Variants in CCDC7 observed in about 807,000 individuals in gnomAD.
CCDC7 encodes the protein coiled-coil domain-containing protein 7.
A neutral mutation model predicts 196.9 loss-of-function variants in CCDC7; 183 were observed. The ratio of observed to expected loss-of-function variants is 0.93; its 90% CI spans 0.82 to 1.05. The LOEUF is 1.05. CCDC7 is among the 50% of genes least tolerant of loss of function. The probability of loss-of-function intolerance (pLI) is 0.00; values close to 1 mark genes in which losing one functional copy is unlikely to be tolerated. For missense variants in CCDC7, 1,540 were observed against 1,482.2 expected, an observed-to-expected ratio of 1.04 and a Z score of -0.64; for synonymous variants, 525 against 484.6, an observed-to-expected ratio of 1.08 and a Z score of -1.10.
At chr10:32,603,235 T>G (rs1398058027) in intron 18 of CCDC7, among the ~76,000 whole-genome samples, 1 of 152,118 alleles carries the variant, frequency 6.6e-6, no homozygotes, top group East Asian at 1.9e-4. Flanking sequence ...CTTATTTCAC[T>G]TAACATAATG....
At chr10:32,757,438 A>T (rs943368827) in intron 28 of CCDC7, among the ~76,000 whole-genome samples, 23 of 152,250 alleles carry the variant, frequency 1.5e-4, no homozygotes, top group Middle Eastern at 6.3e-3. Context: ...AGAACTCAGG[A>T]TTAAGAAACT....
chr10:32,554,855 C>T (rs1332173281), intron 13 of CCDC7, among the ~76,000 whole-genome samples: 1 of 152,166 alleles, frequency 6.6e-6, no homozygotes, highest in Admixed American at 6.5e-5. Flanking sequence ...CTGCACTCCA[C>T]CCCCTACTAC....
chr10:32,479,648 A>G (rs1159163248), intron 8 of CCDC7, among the ~76,000 whole-genome samples: 1 of 152,102 alleles, frequency 6.6e-6, no homozygotes, highest in Non-Finnish European at 1.5e-5. Context: ...TTCATCAGAG[A>G]TATTGGACTG....
chr10:32,549,929 G>T (rs1469014790), intron 13 of CCDC7, among the ~76,000 whole-genome samples: 1 of 151,990 alleles, frequency 6.6e-6, no homozygotes, highest in Non-Finnish European at 1.5e-5. Flanking sequence ...TTTTAGGATT[G>T]TTTTTTCTAG....
intron 20 of CCDC7, among the ~76,000 whole-genome samples, chr10:32,651,062 T>C (rs1157898487): frequency 1.3e-5 from 2 of 152,090 alleles, no homozygotes; most frequent in African/African-American, 4.8e-5. Context: ...ATGGCTGAGC[T>C]TTGCTGGGAC....
chr10:32,694,558 T>C (rs370884448), intron 23 of CCDC7, among the ~76,000 whole-genome samples: 59 of 152,216 alleles, frequency 3.9e-4, no homozygotes, highest in African/African-American at 1.3e-3. Flanking sequence ...CAATTACATA[T>C]ATGCTATAAT....
intron 15 of CCDC7, 68 bp downstream of exon 16, chr10:32,567,959 T>A: frequency 7.0e-7 from 1 of 1,434,494 alleles, no homozygotes; most frequent in Non-Finnish European, 9.3e-7. Context: ...TATTATTATT[T>A]ACTTCATTTG....
At chr10:32,676,440 A>G (rs1431921156) in intron 21 of CCDC7, among the ~76,000 whole-genome samples, 2 of 150,812 alleles carry the variant, frequency 1.3e-5, no homozygotes, top group African/African-American at 2.4e-5. Context: ...GCAACCTACA[A>G]AATGGGAGAA....
At chr10:32,527,907 A>T (rs531365748) in intron 11 of CCDC7, among the ~76,000 whole-genome samples, 3 of 151,988 alleles carry the variant, frequency 2.0e-5, no homozygotes, top group African/African-American at 7.2e-5. Flanking sequence ...TATGGGGTAC[A>T]AGTGTAATAT....
Position 32,453,419 on chromosome 10 carries a change from GA to G in CCDC7, c.357del (p.Glu120AsnfsTer10), listed in dbSNP as rs768642970. 2 of 1,545,154 alleles carry G rather than the reference GA, an allele frequency of 1.3e-6. No homozygotes were observed. Among genetic ancestry groups the G allele is most frequent in the Non-Finnish European group, 8.7e-7 (1 of 1,145,568 alleles). ...AGAACCATTTGTAAAGCATGAACAT[GA>G]AGAATTATCTTTATCTGTAAGTATA... On this transcript the variant is annotated frameshift_variant, in exon 2 of 42. Coordinates refer to ENST00000639629, the Ensembl canonical transcript of CCDC7. LOFTEE classifies it high-confidence loss of function.
intron 22 of CCDC7, among the ~76,000 whole-genome samples, chr10:32,688,138 C>T (rs1301888030): frequency 2.0e-5 from 3 of 152,136 alleles, no homozygotes; most frequent in Non-Finnish European, 2.9e-5. Flanking sequence ...ATGAGGGGCT[C>T]TGTTGTGACA....
chr10:32,448,459 T>C (rs1482827398), upstream of CCDC7, among the ~76,000 whole-genome samples: 4 of 152,118 alleles, frequency 2.6e-5, no homozygotes, highest in Admixed American at 2.6e-4. Flanking sequence ...ACAATTGTTA[T>C]CTGCTGTCCA....
intron 14 of CCDC7, among the ~76,000 whole-genome samples, chr10:32,567,185 TA>T (rs1377405243): frequency 4.7e-5 from 7 of 148,982 alleles, no homozygotes; most frequent in Non-Finnish European, 7.4e-5. Flanking sequence ...ATTTTCTTTT[TA>T]TTTATATAGT....
At chr10:32,466,099 A>G (rs750182383) in intron 5 of CCDC7, among the ~76,000 whole-genome samples, 2 of 152,140 alleles carry the variant, frequency 1.3e-5, no homozygotes, top group East Asian at 1.9e-4. Flanking sequence ...CACCAGGAGG[A>G]ATCCCCACTG....
intron 13 of CCDC7, among the ~76,000 whole-genome samples, chr10:32,564,087 A>G (rs1201979456): frequency 4.6e-5 from 7 of 152,148 alleles, no homozygotes; most frequent in Non-Finnish European, 1.0e-4. Flanking sequence ...AATGCAAATC[A>G]AAACCACAAT....
chr10:32,592,770 G>C (rs1437370181), intron 18 of CCDC7, among the ~76,000 whole-genome samples: 1 of 152,040 alleles, frequency 6.6e-6, no homozygotes, highest in African/African-American at 2.4e-5. Flanking sequence ...TCATTGTTCA[G>C]TTCCCACCTG....
intron 13 of CCDC7, among the ~76,000 whole-genome samples, chr10:32,557,272 CTT>C (rs577715660): frequency 2.1e-5 from 3 of 142,130 alleles, no homozygotes; most frequent in Admixed American, 7.0e-5. Flanking sequence ...ACTTTTATTG[CTT>C]TTTTTTTTTC....
intron 2 of CCDC7, among the ~76,000 whole-genome samples, chr10:32,453,661 A>G (rs2033654456): frequency 6.6e-6 from 1 of 152,210 alleles, no homozygotes; most frequent in Non-Finnish European, 1.5e-5. Flanking sequence ...CTACATACCC[A>G]TTAGGAATGA....
chr10:32,742,170 T>C (rs1307191116), intron 28 of CCDC7, among the ~76,000 whole-genome samples: 1 of 152,160 alleles, frequency 6.6e-6, no homozygotes, highest in Admixed American at 6.6e-5. Flanking sequence ...ATATTCCATT[T>C]TTATAAAATT....
Sources: gnomAD v4.1 joint callset for allele counts (sites outside exome capture counted in the v4.1 genomes callset) on GRCh38, gnomAD v4.1.1 for gene constraint, MANE v1.5 for transcripts, NCBI Gene and HGNC (gene_info 2026-07-23, HGNC 2026-07-21) for gene names.